ME1: variants seen among roughly 807,000 people sequenced by gnomAD.
ME1 encodes the protein malic enzyme 1.
ME1 carries 74 observed loss-of-function variants against 66.4 expected under a neutral mutation model. That is an observed-to-expected ratio of 1.11 (90% CI 0.92 to 1.35). The LOEUF is 1.35. Among genes scored for constraint, ME1 ranks in the 40% most tolerant of loss-of-function variants. The pLI is 0.00. For missense variants in ME1, 750 were observed against 694.1 expected, an observed-to-expected ratio of 1.08 and a Z score of -0.90; for synonymous variants, 251 against 235.6, an observed-to-expected ratio of 1.07 and a Z score of -0.60.
chr6:83,350,069 C>T (rs1768768688), intron 4 of ME1, among the ~76,000 whole-genome samples: 1 of 152,140 alleles, frequency 6.6e-6, no homozygotes, highest in South Asian at 2.1e-4. Context: ...TAATACCACA[C>T]ATTTTGATTA....
chr6:83,376,635 TG>T (rs1255797309), intron 3 of ME1, among the ~76,000 whole-genome samples: 1 of 146,954 alleles, frequency 6.8e-6, no homozygotes, highest in Non-Finnish European at 1.5e-5. Context: ...ACTCCATCTC[TG>T]TCAAAAAAAA....
At chr6:83,227,514 C>A (rs769031942) in intron 10 of ME1, 37 bp from the exon 11 acceptor site, 1 of 1,515,828 alleles carries the variant, frequency 6.6e-7, no homozygotes, top group East Asian at 2.3e-5. Context: ...TTAACACTAT[C>A]ATTGGTTAAT....
intron 3 of ME1, chr6:83,392,298 A>G: frequency 2.0e-6 from 1 of 511,072 alleles, no homozygotes; most frequent in South Asian, 1.4e-5. Context: ...ATTGACCTCA[A>G]CAACACTGTC....
At chr6:83,225,376 G>A (rs1244472067) in intron 11 of ME1, among the ~76,000 whole-genome samples, 1 of 151,980 alleles carries the variant, frequency 6.6e-6, no homozygotes, top group South Asian at 2.1e-4. Flanking sequence ...AAGCATCACA[G>A]TCTAAGAAAT....
chr6:83,402,470 T>C (rs950411707), intron 2 of ME1, among the ~76,000 whole-genome samples: 4 of 152,144 alleles, frequency 2.6e-5, no homozygotes, highest in South Asian at 2.1e-4. Flanking sequence ...AATAAACCCA[T>C]TGAACAGGAA....
rs879235925 is a variant in ME1 at position 83,227,287 on chromosome 6, A to G, written c.1275+48T>C. The G allele has an allele frequency of 2.2e-6, 3 of 1,353,774 alleles. No individual in the cohort carries two copies. The Admixed American group carries it at 7.5e-5, about 34-fold the overall frequency. 83.9% of individuals were successfully genotyped at this position (1,353,774 alleles called of 1,614,324 possible). A position where few individuals can be genotyped will look rare whatever the true frequency, so the allele number is the denominator to read the frequency against. The stretch of plus-strand genomic sequence containing the variant: ...CTTAGATATCCTAGGCCTCCCTATA[A>G]TGAATAAAAATTTGATTATTAAAAT... On this transcript the variant is annotated intron_variant, in intron 11 of 13. Coordinates refer to ENST00000369705, the MANE Select transcript of ME1 (RefSeq NM_002395.6).
intron 5 of ME1, among the ~76,000 whole-genome samples, chr6:83,323,854 A>G (rs1466246305): frequency 6.6e-6 from 1 of 152,168 alleles, no homozygotes; most frequent in African/African-American, 2.4e-5. Flanking sequence ...ACATCTACAG[A>G]ACTCTCCATC....
At chr6:83,239,675 C>G (rs778578317) in intron 7 of ME1, 39 bp from the exon 8 acceptor site, 1 of 1,383,112 alleles carries the variant, frequency 7.2e-7, no homozygotes, top group South Asian at 1.2e-5. Context: ...AATCCTCAAA[C>G]AGATCCTGCC....
intron 5 of ME1, among the ~76,000 whole-genome samples, chr6:83,321,661 A>C (rs1768178179): frequency 6.6e-6 from 1 of 152,186 alleles, no homozygotes; most frequent in Non-Finnish European, 1.5e-5. Context: ...TCAGGGTCTT[A>C]TAGATAAAAC....
chr6:83,325,100 C>A (rs558439712), intron 5 of ME1, among the ~76,000 whole-genome samples: 1 of 152,126 alleles, frequency 6.6e-6, no homozygotes, highest in East Asian at 1.9e-4. Flanking sequence ...ATAAACAGAA[C>A]CAATAACAAA....
At chr6:83,263,974 G>C (rs1766944986) in intron 6 of ME1, among the ~76,000 whole-genome samples, 1 of 152,134 alleles carries the variant, frequency 6.6e-6, no homozygotes, top group Admixed American at 6.5e-5. Flanking sequence ...GCCTTCTGTA[G>C]AAAGATGATG....
chr6:83,243,594 T>A (rs1452251758), intron 7 of ME1, among the ~76,000 whole-genome samples: 3 of 48,970 alleles, frequency 6.1e-5, no homozygotes, highest in African/African-American at 3.0e-4. Context: ...ATCGATATAA[T>A]CTATTATAAT....
chr6:83,214,290 T>A (rs1789951416), intron 13 of ME1, among the ~76,000 whole-genome samples: 1 of 152,220 alleles, frequency 6.6e-6, no homozygotes, highest in South Asian at 2.1e-4. Context: ...AATGAAATCT[T>A]CACTCTCTCT....
intron 5 of ME1, among the ~76,000 whole-genome samples, chr6:83,329,338 T>C (rs911575980): frequency 1.6e-4 from 24 of 152,296 alleles, no homozygotes; most frequent in Non-Finnish European, 2.9e-5. Flanking sequence ...GATGATAGCA[T>C]AGAGTATATT....
intron 7 of ME1, among the ~76,000 whole-genome samples, chr6:83,246,698 T>C (rs1790629671): frequency 6.6e-6 from 1 of 152,146 alleles, no homozygotes; most frequent in Non-Finnish European, 1.5e-5. Context: ...GTATATTTAA[T>C]TTGCACATCA....
rs367907680 is a variant in ME1, at chr6:83,216,581, C to A, written c.1465G>T (p.Val489Leu). The A allele has an allele frequency of 2.0e-5, 32 of 1,608,586 alleles. No homozygotes were observed. The highest frequency in any genetic ancestry group is 2.6e-5 in the Non-Finnish European group (31 of 1,178,220). The change falls in exon 13 of 14, where the codon GTG (valine) becomes TTG (leucine). Residue 489 changes from valine to leucine, a missense_variant. Coordinates refer to ENST00000369705, the MANE Select transcript of ME1 (RefSeq NM_002395.6). ...CCCTCTTCCAAGTGTTTATCTGACA[C>A]TTGCTGAGCTATAACCTTATGAAAA... ...LTTAEVIAQQ[V>L]SDKHLEEGRL...
rs188710212 is a variant in ME1 at position 83,399,143 on chromosome 6, C to T, written c.213-627G>A. 4.7e-3 allele frequency among the ~76,000 whole-genome samples: 716 copies of T among 151,788 alleles called. 3 individuals are homozygous for T. Among genetic ancestry groups the T allele is most frequent in the African/African-American group, 0.016 (655 of 41,438 alleles). On this transcript the variant is annotated intron_variant, in intron 2 of 13. Coordinates refer to ENST00000369705, the MANE Select transcript of ME1 (RefSeq NM_002395.6). ...CCAAGTAGCTGGGACTACAGGCGTG[C>T]ACCAACAAGCCCGGCTAATTTTTTT...
At chr6:83,398,287 A>C in intron 3 of ME1, 80 bp downstream of exon 3, 2 of 954,802 alleles carry the variant, frequency 2.1e-6, no homozygotes, top group Non-Finnish European at 3.0e-6. Flanking sequence ...TAAAATAATA[A>C]TAATAAATTT....
At chr6:83,216,709 A>T in intron 12 of ME1, 113 bp from the exon 13 acceptor site, 1 of 626,224 alleles carries the variant, frequency 1.6e-6, no homozygotes, top group East Asian at 2.9e-5. Flanking sequence ...AAAACCAGTG[A>T]CATTAATATG....
Sources: gnomAD v4.1 joint callset for allele counts (sites outside exome capture counted in the v4.1 genomes callset) on GRCh38, gnomAD v4.1.1 for gene constraint, MANE v1.5 for transcripts, NCBI Gene and HGNC (gene_info 2026-07-23, HGNC 2026-07-21) for gene names.